Variants in PLXNA3 observed in about 807,000 individuals in gnomAD.
PLXNA3 encodes plexin-A3.
PLXNA3 carries 52 observed loss-of-function variants against 118.8 expected under a neutral mutation model. The ratio of observed to expected loss-of-function variants is 0.44; its 90% CI spans 0.35 to 0.55. The LOEUF is 0.55. Ranked by LOEUF, PLXNA3 falls within the 20% of genes least tolerant of loss-of-function variation. The pLI, the probability that PLXNA3 is intolerant of heterozygous loss-of-function variation, is 0.01. For missense variants in PLXNA3, 1,660 were observed against 1,730.8 expected, an observed-to-expected ratio of 0.96 and a Z score of 0.73; for synonymous variants, 925 against 762.4, an observed-to-expected ratio of 1.21 and a Z score of -3.51.
chrX:154,462,199 G>C lies in PLXNA3; in HGVS notation c.1206G>C (p.Glu402Asp), dbSNP rs782255132. The stretch of plus-strand genomic sequence containing the variant: ...CTCTGGGAGGCCTGCATGTGATCGA[G>C]GGGCTGCCCCTGCTGGCCGACAGCA... ...NQPLGGLHVI[E>D]GLPLLADSTD... is the part of the protein sequence containing the mutation. Residue 402 changes from glutamate (E) to aspartate (D), a missense_variant, in exon 4 of 33, where the codon GAG becomes GAC. By Grantham distance (45) the Glu-to-Asp change is conservative. Around this residue, in one of 2 missense-constraint regions of PLXNA3, gnomAD observed 791 missense variants for 652.1 expected, o/e 1.21. Coordinates refer to ENST00000369682, the MANE Select transcript of PLXNA3 (RefSeq NM_017514.5). 4.2e-6 allele frequency: 5 copies of C among 1,203,689 alleles called. No individual in the cohort carries two copies. Among genetic ancestry groups the C allele is most frequent in the East Asian group, 3.0e-5 (1 of 33,113 alleles).
In PLXNA3 at chrX:154,472,716, C is replaced by T; in HGVS notation, c.*31C>T. The T allele has an allele frequency of 9.7e-7, 1 of 1,035,366 alleles. No homozygotes were observed. The allele number at this position is 1,035,366 out of a possible 1,213,427, so 85.3% of individuals were successfully genotyped here. A position where few individuals can be genotyped will look rare whatever the true frequency, so the allele number is the denominator to read the frequency against. Reference sequence around the variant, plus strand: ...TGGAATCGGTGAGGAGGGGGCTTCTCAGTCCTGTGCCGTCCTCCCATCCAG... The same window carrying T: ...TGGAATCGGTGAGGAGGGGGCTTCTTAGTCCTGTGCCGTCCTCCCATCCAG... On this transcript the variant is annotated 3_prime_UTR_variant, in exon 33 of 33. Coordinates refer to ENST00000369682, the MANE Select transcript of PLXNA3 (RefSeq NM_017514.5).
rs140345657 is a variant in PLXNA3 at position 154,469,393 on chromosome X, C to T, written c.4609C>T (p.Arg1537Cys). 2.8e-5 allele frequency: 34 copies of T among 1,207,389 alleles called. 1 individual carries two copies. The highest frequency in any genetic ancestry group is 1.0e-4 in the African/African-American group (6 of 57,419). Residue 1537 changes from arginine to cysteine, a missense_variant, in exon 27 of 33, where the codon CGC becomes TGC. Around this residue, in one of 2 missense-constraint regions of PLXNA3, gnomAD observed 869 missense variants for 1,078.7 expected, o/e 0.81. Coordinates refer to ENST00000369682, the MANE Select transcript of PLXNA3 (RefSeq NM_017514.5). ...GTGGCCCACAGAGTGGCGCCAGGGCCGCATGACTCGCATCATCCTCCAGGA... is the reference window on the plus strand; with the variant it reads ...GTGGCCCACAGAGTGGCGCCAGGGCTGCATGACTCGCATCATCCTCCAGGA... ...EDMDLEWRQG[R>C]MTRIILQDED...
chrX:154,467,709 C>T, intron 20 of PLXNA3, 21 bp downstream of exon 20: 1 of 1,205,361 alleles, frequency 8.3e-7, no homozygotes, highest in African/African-American at 1.7e-5. Context: ...ATGGGGAGAC[C>T]CCCTGGGCAG....
At position 154,460,261 on chromosome X, in the gene PLXNA3, C is replaced by T. The variant is rs144950198; in HGVS notation, c.78C>T (p.Phe26=). The part of the protein sequence containing the change: ...GALGNRPFRA[F]VVTDTTLTHL... Reference sequence around the variant, plus strand: ...TGGGCAACAGGCCCTTCCGTGCCTTCGTGGTGACAGACACCACGCTTACCC... The same window carrying T: ...TGGGCAACAGGCCCTTCCGTGCCTTTGTGGTGACAGACACCACGCTTACCC... The change falls in exon 2 of 33, where the codon TTC becomes TTT. Residue 26 remains phenylalanine (F), a synonymous_variant. Transcript: ENST00000369682. 307 of 1,208,018 alleles carry T rather than the reference C, an allele frequency of 2.5e-4. No individual in the cohort carries two copies. The highest frequency in any genetic ancestry group is 7.8e-4 in the Admixed American group (36 of 45,936).
Position 154,458,283 on chromosome X carries a change from T to G in PLXNA3, c.-173T>G, listed in dbSNP as rs2068874489. The stretch of plus-strand genomic sequence containing the variant: ...TCCGGCGGCCCCCGGGCCAGCCCAG[T>G]GTGTGGGCGGCGGCGGCGGCGGCTG... On this transcript the variant is annotated 5_prime_UTR_variant, in exon 1 of 33. Transcript: ENST00000369682. 1 of 106,677 alleles carries G rather than the reference T, an allele frequency of 9.4e-6. No homozygotes were observed. The highest frequency in any genetic ancestry group is 3.4e-5 in the African/African-American group (1 of 29,524). The allele number at this position is 106,677 out of a possible 1,213,427, so 8.8% of individuals were successfully genotyped here.
chrX:154,463,922 G>C, intron 6 of PLXNA3, 29 bp from the exon 7 acceptor site: 1 of 1,152,275 alleles, frequency 8.7e-7, no homozygotes. Context: ...GGGCAGTGGC[G>C]GGACCGGCTC....
intron 16 of PLXNA3, 45 bp downstream of exon 16, chrX:154,466,557 G>A (rs781941541): frequency 7.6e-6 from 9 of 1,191,764 alleles, no homozygotes; most frequent in Middle Eastern, 4.7e-4. Context: ...TCGTGTGGGG[G>A]GCCGTGGGGA....
intron 6 of PLXNA3, 114 bp from the exon 7 acceptor site, chrX:154,463,837 C>A: frequency 1.9e-6 from 2 of 1,028,643 alleles, no homozygotes; most frequent in Non-Finnish European, 2.6e-6. Context: ...GAGTGACGTC[C>A]CTCGGGCCCC....
At position 154,462,215 on chromosome X, in the gene PLXNA3, G is replaced by A; in HGVS notation, c.1222G>A (p.Ala408Thr). 8.3e-7 allele frequency: 1 copy of A among 1,204,314 alleles called. No individual in the cohort carries two copies. The highest frequency in any genetic ancestry group is 1.1e-6 in the Non-Finnish European group (1 of 891,598). Reference sequence around the variant, plus strand: ...TGTGATCGAGGGGCTGCCCCTGCTGGCCGACAGCACCGACGGCATGGCCAG... The same window carrying A: ...TGTGATCGAGGGGCTGCCCCTGCTGACCGACAGCACCGACGGCATGGCCAG... ...LHVIEGLPLLADSTDGMASVA... is the reference protein window; with the variant it reads ...LHVIEGLPLLTDSTDGMASVA... Residue 408 changes from alanine to threonine, a missense_variant, in exon 4 of 33, where the codon GCC becomes ACC. By Grantham distance (58) the Ala-to-Thr change is moderately conservative. Transcript: ENST00000369682.
Position 154,461,187 on chromosome X carries a change from A to G in PLXNA3, c.683A>G (p.Tyr228Cys). 8.3e-7 allele frequency: 1 copy of G among 1,211,322 alleles called. No individual in the cohort carries two copies. Among genetic ancestry groups the G allele is most frequent in the Non-Finnish European group, 1.1e-6 (1 of 894,794 alleles). Residue 228 changes from tyrosine to cysteine, a missense_variant, in exon 3 of 33, where the codon TAC (tyrosine) becomes TGC (cysteine). Tyr to Cys is a radical substitution (Grantham distance 194). Around this residue, in one of 2 missense-constraint regions of PLXNA3, gnomAD observed 791 missense variants for 652.1 expected, o/e 1.21. Transcript: ENST00000369682. ...CCTGCCTTTGACATCTACTACATCT[A>G]CGGCTTCGTCAGCGCCTCCTTCGTG... ...LYPAFDIYYI[Y>C]GFVSASFVYF... is the part of the protein sequence containing the mutation.
Position 154,468,089 on chromosome X carries a change from A to G in PLXNA3, c.3828A>G (p.Ala1276=). The stretch of plus-strand genomic sequence containing the variant: ...CCTCTCTCCACCCCCCAGCTTTTGC[A>G]GAGCTGCAGACGGACATCAATGAGC... ...RVALECKEAF[A]ELQTDINELT... Residue 1276 remains alanine (A), a synonymous_variant, in exon 22 of 33, where the codon GCA becomes GCG. Transcript: ENST00000369682. 8.4e-7 allele frequency: 1 copy of G among 1,190,894 alleles called. No individual in the cohort carries two copies. Among genetic ancestry groups the G allele is most frequent in the Non-Finnish European group, 1.1e-6 (1 of 883,038 alleles).
intron 4 of PLXNA3, 140 bp from the exon 5 acceptor site, chrX:154,463,251 C>A: frequency 1.2e-6 from 1 of 855,841 alleles, no homozygotes; most frequent in Non-Finnish European, 1.7e-6. Flanking sequence ...TTTTTTTGGC[C>A]TCCGGGCTGT....
At chrX:154,472,293 C>T (rs2069193467) in intron 32 of PLXNA3, among the ~76,000 whole-genome samples, 1 of 110,604 alleles carries the variant, frequency 9.0e-6, no homozygotes, top group African/African-American at 3.3e-5. Context: ...GGGGTCCTGG[C>T]GCGAGGGAGG....
At position 154,471,524 on chromosome X, in the gene PLXNA3, C is replaced by T. The variant is rs1603395257; in HGVS notation, c.5406C>T (p.Ser1802=). 6 of 1,207,024 alleles carry T rather than the reference C, an allele frequency of 5.0e-6. No homozygotes were observed. The highest frequency in any genetic ancestry group is 6.7e-6 in the Non-Finnish European group (6 of 891,874). ...YRDIAKMASI[S]DQDMDAYLVE... is the part of the protein sequence containing the mutation. The stretch of plus-strand genomic sequence containing the variant: ...ACATTGCAAAGATGGCATCCATCAG[C>T]GACCAGGACATGGATGCCTACCTGG... The change falls in exon 32 of 33, where the codon AGC becomes AGT. Residue 1802 remains serine (S), a synonymous_variant. Coordinates refer to ENST00000369682, the MANE Select transcript of PLXNA3 (RefSeq NM_017514.5).
In PLXNA3 at chrX:154,463,648, G is replaced by A; in HGVS notation, c.1505G>A (p.Gly502Asp). The A allele has an allele frequency of 1.7e-6, 2 of 1,205,403 alleles. No homozygotes were observed. Among genetic ancestry groups the A allele is most frequent in the Non-Finnish European group, 2.2e-6 (2 of 893,692 alleles). Residue 502 changes from glycine (G) to aspartate (D), a missense_variant, in exon 6 of 33, where the codon GGC becomes GAC. Gly to Asp is a moderately conservative substitution (Grantham distance 94). Around this residue, in one of 2 missense-constraint regions of PLXNA3, gnomAD observed 791 missense variants for 652.1 expected, o/e 1.21. Transcript: ENST00000369682. ...EQYQSCAACL[G>D]SGDPHCGWCV... is the part of the protein sequence containing the mutation. ...TACCAGAGCTGCGCAGCCTGCCTGG[G>A]CTCCGGGGACCCGCACTGTGGTTGG...
In PLXNA3 at chrX:154,471,160, A is replaced by G; in HGVS notation, c.5212A>G (p.Ile1738Val). 1.7e-6 allele frequency: 2 copies of G among 1,210,780 alleles called. No homozygotes were observed. Among genetic ancestry groups the G allele is most frequent in the African/African-American group, 3.5e-5 (2 of 57,533 alleles). Residue 1738 changes from isoleucine to valine, a missense_variant, in exon 31 of 33, where the codon ATC becomes GTC. By Grantham distance (29) the Ile-to-Val change is conservative. This residue lies in a region of PLXNA3 where 869 missense variants were observed against 1,078.7 expected (regional missense o/e 0.81). Transcript: ENST00000369682. ...CAAGAACCCGCAGTTCGTGTTCGAC[A>G]TCCACAAGAACAGCATCACGGATGC... is the stretch of plus-strand genomic sequence containing the variant. ...VIKNPQFVFD[I>V]HKNSITDACL...
At position 154,461,383 on chromosome X, in the gene PLXNA3, G is replaced by C. The variant is rs782666016; in HGVS notation, c.879G>C (p.Gln293His). 1 of 1,211,972 alleles carries C rather than the reference G, an allele frequency of 8.3e-7. No homozygotes were observed. The highest frequency in any genetic ancestry group is 3.0e-5 in the East Asian group (1 of 33,872). Reference protein sequence around the residue: ...SWRGVEYRLVQSAHLAKPGLL... With the variant: ...SWRGVEYRLVHSAHLAKPGLL... Reference sequence around the variant, plus strand: ...GCGGCGTGGAGTACCGCTTGGTGCAGAGCGCCCACCTGGCCAAGCCTGGCC... The same window carrying C: ...GCGGCGTGGAGTACCGCTTGGTGCACAGCGCCCACCTGGCCAAGCCTGGCC... Residue 293 changes from glutamine (Q) to histidine (H), a missense_variant, in exon 3 of 33, where the codon CAG (glutamine) becomes CAC (histidine). By Grantham distance (24) the Gln-to-His change is conservative (BLOSUM62 0). Transcript: ENST00000369682.
At position 154,474,776 on chromosome X, in the gene PLXNA3, CTTTTTTTTTTTT is replaced by C. The variant is rs782102676; in HGVS notation, c.*2110_*2121del. On this transcript the variant is annotated 3_prime_UTR_variant, in exon 33 of 33. Transcript: ENST00000369682. ...ACAGGCGTGAGCCACCATGCCTGAC[CTTTTTTTTTTTT>C]TTTTTTTTTTTTTTTTTTGGAGACG... is the stretch of plus-strand genomic sequence containing the variant. 1 of 26,768 alleles carries C rather than the reference CTTTTTTTTTTTT, an allele frequency of 3.7e-5. No individual in the cohort carries two copies. Among genetic ancestry groups the C allele is most frequent in the East Asian group, 1.4e-3 (1 of 717 alleles). 2.2% of individuals were successfully genotyped at this position (26,768 alleles called of 1,213,427 possible). A position where few individuals can be genotyped will look rare whatever the true frequency, so the allele number is the denominator to read the frequency against.
At chrX:154,464,542 G>T (rs782422090) in intron 9 of PLXNA3, 41 bp downstream of exon 9, 28 of 1,094,117 alleles carry the variant, frequency 2.6e-5, no homozygotes, top group Non-Finnish European at 3.4e-5. Flanking sequence ...CCTGGGGATA[G>T]AGGGGACCTC....
Sources: gnomAD v4.1 joint callset for allele counts (sites outside exome capture counted in the v4.1 genomes callset) on GRCh38, gnomAD v4.1.1 for gene constraint, gnomAD v4.1.1 regional missense constraint, MANE v1.5 for transcripts, NCBI Gene and HGNC (gene_info 2026-07-23, HGNC 2026-07-21) for gene names.